The following GSDMD variants were observed in gnomAD, a reference collection of about 807,000 sequenced individuals.
The protein encoded by GSDMD is gasdermin-D.
A neutral mutation model predicts 46.7 loss-of-function variants in GSDMD; 46 were observed. The observed-to-expected ratio is 0.99, with a 90% CI of 0.78 to 1.26. The LOEUF is 1.26. GSDMD is among the 50% of genes most tolerant of loss of function. The probability of loss-of-function intolerance (pLI) is 0.00; values close to 1 mark genes in which losing one functional copy is unlikely to be tolerated. For synonymous variants in GSDMD, 307 were observed against 283.1 expected (o/e 1.08, Z -0.85); for missense variants, 649 against 638.8 (o/e 1.02, Z -0.17).
Position 143,563,001 on chromosome 8 carries a change from G to C in GSDMD, c.*97G>C. 4 of 1,530,538 alleles carry C rather than the reference G, an allele frequency of 2.6e-6. No individual in the cohort carries two copies. Among genetic ancestry groups the C allele is most frequent in the Non-Finnish European group, 2.7e-6 (3 of 1,126,260 alleles). 94.8% of individuals were successfully genotyped at this position (1,530,538 alleles called of 1,614,324 possible). A position where few individuals can be genotyped will look rare whatever the true frequency, so the allele number is the denominator to read the frequency against. On this transcript the variant is annotated 3_prime_UTR_variant, in exon 11 of 11. Coordinates refer to ENST00000262580, the MANE Select transcript of GSDMD (RefSeq NM_024736.7). The stretch of plus-strand genomic sequence containing the variant: ...AAGGCCAGGAGCCCAGTAGCCATGT[G>C]GCCAGTCTACCATGGGGCCCAGGAG...
chr8:143,558,430 C>T lies in GSDMD; in HGVS notation c.-26C>T. 3 of 1,504,826 alleles carry T rather than the reference C, an allele frequency of 2.0e-6. No homozygotes were observed. Among genetic ancestry groups the T allele is most frequent in the Non-Finnish European group, 2.6e-6 (3 of 1,133,366 alleles). The allele number at this position is 1,504,826 out of a possible 1,614,324, so 93.2% of individuals were successfully genotyped here. A position where few individuals can be genotyped will look rare whatever the true frequency, so the allele number is the denominator to read the frequency against. On this transcript the variant is annotated 5_prime_UTR_variant, in exon 1 of 11. Transcript: ENST00000262580. The stretch of plus-strand genomic sequence containing the variant: ...AGAGCAGACGCGCCAGACGCGCCAC[C>T]CTCGGGGCGCCGACGGTCACGGTGA...
chr8:143,562,132 GT>G lies in GSDMD; in HGVS notation c.996+2del, dbSNP rs1467440828. On this transcript the variant is annotated splice_donor_variant, in intron 8 of 10. Transcript: ENST00000262580. LOFTEE classifies it high-confidence loss of function. ...GGCCCTGCGAGCCTTGGAGGAGGCG[GT>G]GAGCGGGGGAGGGTGCCCGGGGCAC... 6.3e-7 allele frequency: 1 copy of G among 1,598,112 alleles called. No individual in the cohort carries two copies. The highest frequency in any genetic ancestry group is 1.3e-5 in the African/African-American group (1 of 74,898).
At chr8:143,558,040 A>T (rs1030520216), upstream of GSDMD, 13 of 379,824 alleles carry the variant, frequency 3.4e-5, no homozygotes, top group African/African-American at 1.9e-4. Flanking sequence ...GATCACAGGC[A>T]TGCGCCACCA....
intron 4 of GSDMD, 49 bp downstream of exon 4, chr8:143,560,820 G>T (rs763250030): frequency 6.8e-7 from 1 of 1,468,238 alleles, no homozygotes; most frequent in Non-Finnish European, 9.0e-7. Context: ...TGGGCATGCG[G>T]CGGCGGGTGA....
At chr8:143,556,738 T>C (rs1394817448), upstream of GSDMD, among the ~76,000 whole-genome samples, 2 of 152,022 alleles carry the variant, frequency 1.3e-5, no homozygotes, top group Non-Finnish European at 1.5e-5. Flanking sequence ...GGTGGGCCCA[T>C]GGCCCTGGGC....
chr8:143,558,879 C>A (rs1362231725), intron 1 of GSDMD: 5 of 477,840 alleles, frequency 1.0e-5, no homozygotes, highest in South Asian at 8.0e-5. Flanking sequence ...TCATGGAGCT[C>A]CAGGCACAGA....
chr8:143,556,475 G>A (rs773063745), upstream of GSDMD, among the ~76,000 whole-genome samples: 6 of 152,220 alleles, frequency 3.9e-5, no homozygotes, highest in Non-Finnish European at 1.5e-5. Flanking sequence ...AGCCCAGGAG[G>A]TCGAGGCTGC....
intron 5 of GSDMD, 35 bp from the exon 6 acceptor site, chr8:143,561,335 A>T: frequency 6.3e-7 from 1 of 1,579,578 alleles, no homozygotes; most frequent in African/African-American, 1.3e-5. Flanking sequence ...TCTAGGTGAC[A>T]TGCCTGTCCC....
upstream of GSDMD, chr8:143,553,821 C>T (rs1156346494): frequency 2.0e-5 from 3 of 147,096 alleles, no homozygotes; most frequent in African/African-American, 7.3e-5. Flanking sequence ...CTCAGCCGTC[C>T]GGGCCCTCAC....
intron 4 of GSDMD, 21 bp from the exon 5 acceptor site, chr8:143,560,981 G>A (rs370622573): frequency 3.1e-5 from 49 of 1,582,364 alleles, no homozygotes; most frequent in African/African-American, 8.1e-5. Context: ...GCCCAGCCCC[G>A]AGCCCATCTC....
upstream of GSDMD, chr8:143,558,119 C>G: frequency 1.9e-6 from 1 of 532,182 alleles, no homozygotes; most frequent in Admixed American, 3.6e-5. Flanking sequence ...GTCTTGAACT[C>G]CCGACCTCAG....
intron 4 of GSDMD, 67 bp from the exon 5 acceptor site, chr8:143,560,935 C>A: frequency 6.5e-7 from 1 of 1,530,344 alleles, no homozygotes; most frequent in Non-Finnish European, 8.9e-7. Context: ...CCCCCGGCAC[C>A]CGGCCCGCAC....
intron 3 of GSDMD, 40 bp from the exon 4 acceptor site, chr8:143,560,563 G>T: frequency 6.5e-7 from 1 of 1,530,766 alleles, no homozygotes; most frequent in East Asian, 2.4e-5. Flanking sequence ...ACGCCTTCAG[G>T]GGCTGCGGCC....
At chr8:143,554,467 A>G (rs1823264322), upstream of GSDMD, among the ~76,000 whole-genome samples, 1 of 151,564 alleles carries the variant, frequency 6.6e-6, no homozygotes, top group African/African-American at 2.4e-5. Flanking sequence ...GCACACGCGC[A>G]CATGTACACA....
chr8:143,560,599 A>G lies in GSDMD; in HGVS notation c.411-4A>G, dbSNP rs1223015029. The G allele has an allele frequency of 2.5e-6, 4 of 1,577,318 alleles. No individual in the cohort carries two copies. Among genetic ancestry groups the G allele is most frequent in the Non-Finnish European group, 3.4e-6 (4 of 1,161,396 alleles). On this transcript the variant is annotated splice_polypyrimidine_tract_variant and splice_region_variant and intron_variant, in intron 3 of 10. Transcript: ENST00000262580. ...CAGCGAGCTTTGCTGCTCCTCGGAC[A>G]CAGGCACCTGCGGCAGCCAGAACAC...
rs552442578 is a variant in GSDMD, at chr8:143,560,818, C to T, written c.579+47C>T. On this transcript the variant is annotated intron_variant, in intron 4 of 10. Transcript: ENST00000262580. ...ACGCCTGGCCCCCCACGTGGGCATG[C>T]GGCGGCGGGTGACGGAGGCGGCGGG... The T allele has an allele frequency of 2.9e-5, 43 of 1,466,698 alleles. No homozygotes were observed. The African/African-American group carries it at 3.9e-4, about 13-fold the overall frequency. 90.9% of individuals were successfully genotyped at this position (1,466,698 alleles called of 1,614,324 possible).
intron 1 of GSDMD, 52 bp from the exon 2 acceptor site, chr8:143,559,280 T>TTA: frequency 1.7e-6 from 1 of 579,428 alleles, no homozygotes; most frequent in Middle Eastern, 4.7e-4. Context: ...CTTCTCCCAC[T>TTA]CCCTCCCGCC....
At chr8:143,559,587 A>G in intron 2 of GSDMD, 35 bp downstream of exon 2, 1 of 1,585,418 alleles carries the variant, frequency 6.3e-7, no homozygotes, top group Non-Finnish European at 8.6e-7. Context: ...AGCCCCAGGG[A>G]GGCTGGATGG....
rs1225794193 is a variant in GSDMD at position 143,559,455 on chromosome 8, G to A, written c.120G>A (p.Val40=). The A allele has an allele frequency of 3.1e-6, 5 of 1,612,816 alleles. No homozygotes were observed. In the African/African-American group the frequency reaches 5.3e-5, roughly 17 times the overall value. Residue 40 remains valine, a synonymous_variant, in exon 2 of 11, where the codon GTG becomes GTA. Transcript: ENST00000262580. ...SSTGFQPYCL[V]VRKPSSSWFW... ...CTGGCTTCCAGCCCTACTGCCTGGT[G>A]GTTAGGAAGCCCTCAAGCTCATGGT... is the stretch of plus-strand genomic sequence containing the variant.
Sources: gnomAD v4.1 joint callset for allele counts (sites outside exome capture counted in the v4.1 genomes callset) on GRCh38, gnomAD v4.1.1 for gene constraint, MANE v1.5 for transcripts, NCBI Gene and HGNC (gene_info 2026-07-23, HGNC 2026-07-21) for gene names.